Variants in CLCN3 observed in about 807,000 individuals in gnomAD.
The protein encoded by CLCN3 is H(+)/Cl(-) exchange transporter 3.
Under a neutral mutation model 83.4 loss-of-function variants are expected in CLCN3, and 16 were observed. The ratio of observed to expected loss-of-function variants is 0.19; its 90% CI spans 0.13 to 0.29. The LOEUF (loss-of-function observed/expected upper bound fraction) is 0.29. CLCN3 is among the 10% of genes least tolerant of loss of function. The pLI, the probability that CLCN3 is intolerant of heterozygous loss-of-function variation, is 1.00. For synonymous variants in CLCN3, 322 were observed against 346.2 expected (o/e 0.93, Z 0.78); for missense variants, 544 against 1,006.0 (o/e 0.54, Z 6.21).
intron 1 of CLCN3, among the ~76,000 whole-genome samples, chr4:169,634,181 A>C (rs1444966342): frequency 6.6e-6 from 1 of 152,120 alleles, no homozygotes; most frequent in Non-Finnish European, 1.5e-5. Context: ...AATGGAGGAG[A>C]TATATTGGAA....
At chr4:169,622,289 A>C (rs977841749) in intron 1 of CLCN3, among the ~76,000 whole-genome samples, 1 of 152,226 alleles carries the variant, frequency 6.6e-6, no homozygotes, top group African/African-American at 2.4e-5. Context: ...GATGTGGTTC[A>C]GGGGAACAGA....
At chr4:169,714,180 C>CA (rs962977326) in intron 12 of CLCN3, among the ~76,000 whole-genome samples, 15 of 151,676 alleles carry the variant, frequency 9.9e-5, no homozygotes, top group African/African-American at 3.1e-4. Context: ...AGGCAAATAC[C>CA]AAAAAACAGA....
intron 2 of CLCN3, among the ~76,000 whole-genome samples, chr4:169,646,625 A>G (rs753843945): frequency 3.3e-5 from 5 of 152,158 alleles, no homozygotes; most frequent in Non-Finnish European, 5.9e-5. Context: ...ATACAGTTAT[A>G]TAAAGTTTTG....
chr4:169,637,936 TG>T (rs1730276446), intron 2 of CLCN3, among the ~76,000 whole-genome samples: 1 of 152,220 alleles, frequency 6.6e-6, no homozygotes, highest in South Asian at 2.1e-4. Context: ...GACTTTCTAC[TG>T]TGTTACATTG....
chr4:169,640,353 A>G (rs1033671784), intron 2 of CLCN3, among the ~76,000 whole-genome samples: 3 of 152,228 alleles, frequency 2.0e-5, no homozygotes, highest in African/African-American at 4.8e-5. Context: ...TTTGGAATCT[A>G]CTGACTTCAG....
Position 169,682,550 on chromosome 4 carries a change from C to T in CLCN3, c.318+2343C>T, listed in dbSNP as rs140771638. ...TTTATTATGCAACTCAAATAAATTA[C>T]GCAAGTGCTTTTCTTTAGGACATAA... On this transcript the variant is annotated intron_variant, in intron 3 of 12. Transcript: ENST00000513761. Among the ~76,000 whole-genome samples, 590 of 152,276 alleles carry T rather than the reference C, an allele frequency of 3.9e-3. 4 individuals are homozygous for T. The highest frequency in any genetic ancestry group is 0.013 in the African/African-American group (554 of 41,562).
At chr4:169,709,465 C>A (rs1213174136) in intron 11 of CLCN3, among the ~76,000 whole-genome samples, 4 of 151,800 alleles carry the variant, frequency 2.6e-5, no homozygotes, top group Non-Finnish European at 4.4e-5. Flanking sequence ...AGGTGGATCA[C>A]TTGAGGCCAG....
intron 2 of CLCN3, among the ~76,000 whole-genome samples, chr4:169,667,125 T>G (rs1731273209): frequency 6.6e-6 from 1 of 152,208 alleles, no homozygotes; most frequent in African/African-American, 2.4e-5. Flanking sequence ...TATTTTATAA[T>G]TTTAGCTCTT....
At chr4:169,705,506 C>T (rs975035555) in intron 10 of CLCN3, among the ~76,000 whole-genome samples, 12 of 152,050 alleles carry the variant, frequency 7.9e-5, no homozygotes, top group African/African-American at 2.9e-4. Context: ...GTAATAACAC[C>T]TGGTGATCTG....
intron 1 of CLCN3, among the ~76,000 whole-genome samples, chr4:169,632,399 A>T (rs1420693651): frequency 6.6e-6 from 1 of 152,176 alleles, no homozygotes; most frequent in South Asian, 2.1e-4. Flanking sequence ...TCAAAACCAC[A>T]GTGAGACACC....
At chr4:169,656,347 A>G (rs1730884180) in intron 2 of CLCN3, among the ~76,000 whole-genome samples, 1 of 152,204 alleles carries the variant, frequency 6.6e-6, no homozygotes, top group African/African-American at 2.4e-5. Flanking sequence ...AGCATGTCTT[A>G]CATGGCCAGA....
At chr4:169,689,465 A>T (rs1420568631) in intron 5 of CLCN3, among the ~76,000 whole-genome samples, 1 of 152,212 alleles carries the variant, frequency 6.6e-6, no homozygotes, top group African/African-American at 2.4e-5. Flanking sequence ...AATATATTTG[A>T]GCTGTAGTAG....
chr4:169,711,058 C>A (rs778863498), intron 11 of CLCN3, among the ~76,000 whole-genome samples: 6 of 152,142 alleles, frequency 3.9e-5, no homozygotes, highest in Non-Finnish European at 7.4e-5. Context: ...GATTTACAAA[C>A]CCTATTGCAG....
chr4:169,711,812 T>C (rs1265681076), intron 11 of CLCN3, among the ~76,000 whole-genome samples: 1 of 152,184 alleles, frequency 6.6e-6, no homozygotes, highest in Admixed American at 6.5e-5. Context: ...AATTTAGGAC[T>C]GATGCTTATT....
intron 2 of CLCN3, among the ~76,000 whole-genome samples, chr4:169,671,422 G>A (rs528597524): frequency 6.6e-6 from 1 of 152,172 alleles, no homozygotes; most frequent in South Asian, 2.1e-4. Flanking sequence ...ACAGGGAGGG[G>A]AACATCACAC....
rs1429590601 is a variant in CLCN3 at position 169,721,451 on chromosome 4, T to C, written c.*1454T>C. On this transcript the variant is annotated 3_prime_UTR_variant, in exon 13 of 13. Coordinates refer to ENST00000513761, the MANE Select transcript of CLCN3 (RefSeq NM_001829.4). ...CCATTTTGACCCATTAACTGGAAAGTTGAAAAACTACATTAACTGGAAAGT... is the reference window on the plus strand; with the variant it reads ...CCATTTTGACCCATTAACTGGAAAGCTGAAAAACTACATTAACTGGAAAGT... The C allele has an allele frequency of 2.0e-5, 3 of 152,226 alleles. No homozygotes were observed. Among genetic ancestry groups the C allele is most frequent in the South Asian group, 2.1e-4 (1 of 4,814 alleles). The allele number at this position is 152,226 out of a possible 1,614,324, so 9.4% of individuals were successfully genotyped here. A position where few individuals can be genotyped will look rare whatever the true frequency, so the allele number is the denominator to read the frequency against.
intron 2 of CLCN3, among the ~76,000 whole-genome samples, chr4:169,665,603 GA>G (rs60434639): frequency 0.47 from 69,400 of 147,376 alleles, 16,370 homozygotes; most frequent in African/African-American, 0.54. Flanking sequence ...CACAGAGAGA[GA>G]AAAAAAAAAA....
chr4:169,723,331 CT>C lies in CLCN3; in HGVS notation c.*3337del, dbSNP rs1196630160. On this transcript the variant is annotated 3_prime_UTR_variant, in exon 13 of 13. Coordinates refer to ENST00000513761, the MANE Select transcript of CLCN3 (RefSeq NM_001829.4). The stretch of plus-strand genomic sequence containing the variant: ...TCTCAGGTTACAAAGCATTTCTACA[CT>C]TTGCAAGCAAGGAGCAATAGAAGAG... 6.6e-6 allele frequency: 1 copy of C among 152,166 alleles called. No homozygotes were observed. The highest frequency in any genetic ancestry group is 1.9e-4 in the East Asian group (1 of 5,184). The allele number at this position is 152,166 out of a possible 1,614,324, so 9.4% of individuals were successfully genotyped here.
rs760440544 is a variant in CLCN3, at chr4:169,692,308, T to TA, written c.931dup (p.Arg311LysfsTer26). The TA allele has an allele frequency of 5.0e-6, 8 of 1,597,242 alleles. No homozygotes were observed. Among genetic ancestry groups the TA allele is most frequent in the Admixed American group, 1.7e-5 (1 of 59,170 alleles). On this transcript the variant is annotated frameshift_variant, in exon 7 of 13. Transcript: ENST00000513761. LOFTEE classifies it high-confidence loss of function. ...TTCCAAAGTATAGCACAAACGAAGC[T>TA]AAAAAAAGGGAGGTAAGTGTCTTTT...
Sources: allele counts gnomAD v4.1 joint callset (sites outside exome capture counted in the v4.1 genomes callset), GRCh38; gene constraint gnomAD v4.1.1; transcripts MANE v1.5; gene names NCBI Gene and HGNC (gene_info 2026-07-23, HGNC 2026-07-21).